Variants in MAGI2 observed in about 807,000 individuals in gnomAD.
MAGI2 encodes the protein membrane associated guanylate kinase, WW and PDZ domain containing 2.
A neutral mutation model predicts 133.3 loss-of-function variants in MAGI2; 35 were observed. The observed-to-expected ratio is 0.26, with a 90% confidence interval of 0.20 to 0.35. The LOEUF (loss-of-function observed/expected upper bound fraction) is 0.35. Ranked by LOEUF, MAGI2 falls within the 10% of genes least tolerant of loss-of-function variation. MAGI2 has a pLI of 1.00. For synonymous variants in MAGI2, 729 were observed against 710.6 expected, an observed-to-expected ratio of 1.03 and a Z score of -0.41; for missense variants, 1,636 against 1,863.4, an observed-to-expected ratio of 0.88 and a Z score of 2.25.
intron 7 of MAGI2, chr7:78,358,504 C>A (rs930425651): frequency 6.4e-6 from 1 of 155,506 alleles, no homozygotes; most frequent in South Asian, 1.8e-4. Flanking sequence ...GCCCACCCGC[C>A]CCGCCATTCC....
At chr7:78,864,236 T>G (rs546187869) in intron 2 of MAGI2, among the ~76,000 whole-genome samples, 1 of 152,252 alleles carries the variant, frequency 6.6e-6, no homozygotes, top group South Asian at 2.1e-4. Flanking sequence ...AACAAAAAAT[T>G]TAAGGTGCCT....
chr7:78,252,170 A>G (rs1304725398), intron 10 of MAGI2: 1 of 150,980 alleles, frequency 6.6e-6, no homozygotes, highest in Admixed American at 6.6e-5. Flanking sequence ...GAACAATGCA[A>G]TCCTAGAATG....
At chr7:78,763,209 A>G (rs573656914) in intron 2 of MAGI2, among the ~76,000 whole-genome samples, 26 of 152,248 alleles carry the variant, frequency 1.7e-4, no homozygotes, top group African/African-American at 6.0e-4. Flanking sequence ...CTTTTCCTAA[A>G]CTCTAATGAA....
chr7:78,943,201 G>A (rs528460437), intron 2 of MAGI2, among the ~76,000 whole-genome samples: 4 of 151,994 alleles, frequency 2.6e-5, no homozygotes, highest in Admixed American at 6.6e-5. Context: ...TTTAAAGAAG[G>A]TAGTATTTGA....
rs557497662 is a variant in MAGI2, at chr7:79,269,310, T to C, written c.301+183710A>G. 2.0e-5 allele frequency among the ~76,000 whole-genome samples: 3 copies of C among 152,200 alleles called. No individual in the cohort carries two copies. The East Asian group carries it at 5.8e-4, about 29-fold the overall frequency. On this transcript the variant is annotated intron_variant, in intron 1 of 21. Coordinates refer to ENST00000354212, the MANE Select transcript of MAGI2 (RefSeq NM_012301.4). The stretch of plus-strand genomic sequence containing the variant: ...TAAAAGAGCAATAAGTAACAGTTAT[T>C]ATGGGTGGATAACAAAATTGGAGTC...
At chr7:78,876,102 C>T (rs1218814659) in intron 2 of MAGI2, among the ~76,000 whole-genome samples, 2 of 151,940 alleles carry the variant, frequency 1.3e-5, no homozygotes, top group Non-Finnish European at 2.9e-5. Flanking sequence ...GCAGGTGGAT[C>T]ACAAGGTCAG....
At chr7:78,191,645 G>A (rs558841091) in intron 12 of MAGI2, among the ~76,000 whole-genome samples, 2 of 152,322 alleles carry the variant, frequency 1.3e-5, no homozygotes, top group Admixed American at 1.3e-4. Flanking sequence ...AATCAGAGGC[G>A]CTGCCAGCCT....
chr7:78,440,767 C>G (rs1787536568), intron 6 of MAGI2, among the ~76,000 whole-genome samples: 1 of 151,042 alleles, frequency 6.6e-6, no homozygotes, highest in African/African-American at 2.4e-5. Flanking sequence ...GCCTGGCCAA[C>G]ATAGTGAAAC....
chr7:78,806,682 A>G (rs1357704717), intron 2 of MAGI2, among the ~76,000 whole-genome samples: 1 of 151,904 alleles, frequency 6.6e-6, no homozygotes, highest in African/African-American at 2.4e-5. Context: ...AGTCTGGGCA[A>G]CAGAAAGATC....
chr7:79,364,764 A>G (rs1354110755), intron 1 of MAGI2, among the ~76,000 whole-genome samples: 1 of 152,094 alleles, frequency 6.6e-6, no homozygotes, highest in Non-Finnish European at 1.5e-5. Flanking sequence ...TACTTTTTAT[A>G]AAAATTAACC....
intron 5 of MAGI2, among the ~76,000 whole-genome samples, chr7:78,496,646 G>A (rs1794110928): frequency 6.6e-6 from 1 of 152,168 alleles, no homozygotes; most frequent in South Asian, 2.1e-4. Flanking sequence ...GAATGACTCT[G>A]TAGAGTGAAA....
chr7:78,587,345 G>A (rs1803535020), intron 3 of MAGI2, among the ~76,000 whole-genome samples: 1 of 152,028 alleles, frequency 6.6e-6, no homozygotes, highest in Non-Finnish European at 1.5e-5. Context: ...TGTCTAATGA[G>A]GAGTGAGGGG....
chr7:78,817,055 T>C (rs1789643078), intron 2 of MAGI2, among the ~76,000 whole-genome samples: 1 of 152,170 alleles, frequency 6.6e-6, no homozygotes, highest in South Asian at 2.1e-4. Context: ...GTGACATTAA[T>C]AGGAATTTGG....
In MAGI2 at chr7:78,167,980, G is replaced by T; in HGVS notation, c.2532C>A (p.Leu844=). ...GCCCATTGCGGGCTGCGTGGTGCAT[G>T]AGGTCGATGACATAGCGGTGGGTTT... ...AGKTHRYVID[L]MHHAARNGQV... The change falls in exon 15 of 22, where the codon CTC becomes CTA. Residue 844 remains leucine, a synonymous_variant. Coordinates refer to ENST00000354212, the MANE Select transcript of MAGI2 (RefSeq NM_012301.4). 1 of 1,614,134 alleles carries T rather than the reference G, an allele frequency of 6.2e-7. No individual in the cohort carries two copies. The highest frequency in any genetic ancestry group is 8.5e-7 in the Non-Finnish European group (1 of 1,180,024).
In MAGI2 at chr7:79,180,305, C is replaced by T. The variant is rs149799347; in HGVS notation, c.302-173099G>A. Among the ~76,000 whole-genome samples the T allele has an allele frequency of 4.9e-4, 74 of 152,098 alleles. 1 individual carries two copies. The highest frequency in any genetic ancestry group is 1.7e-3 in the African/African-American group (70 of 41,448). On this transcript the variant is annotated intron_variant, in intron 1 of 21. Transcript: ENST00000354212. ...GTCTGTTTTCATGCTGCTGTAAAGA[C>T]ATACTCAAGACTAGGCAATTTACAA...
chr7:78,545,110 C>T (rs1191262569), intron 3 of MAGI2, among the ~76,000 whole-genome samples: 4 of 151,344 alleles, frequency 2.6e-5, no homozygotes, highest in African/African-American at 9.7e-5. Flanking sequence ...CTTTTGAGTC[C>T]AATGTAGGTT....
At chr7:79,386,849 AG>A (rs1479004750) in intron 1 of MAGI2, among the ~76,000 whole-genome samples, 1 of 151,976 alleles carries the variant, frequency 6.6e-6, no homozygotes, top group Non-Finnish European at 1.5e-5. Context: ...GAGAGGTTGA[AG>A]GGGGCTGTTT....
At chr7:79,395,027 G>A (rs1844937563) in intron 1 of MAGI2, among the ~76,000 whole-genome samples, 1 of 152,176 alleles carries the variant, frequency 6.6e-6, no homozygotes, top group South Asian at 2.1e-4. Flanking sequence ...AGTCATAGCT[G>A]TAGTACTCTC....
intron 16 of MAGI2, among the ~76,000 whole-genome samples, chr7:78,140,258 G>A (rs989257420): frequency 1.3e-5 from 2 of 152,166 alleles, no homozygotes. Context: ...CCTAAGGGAA[G>A]GGATTATTAG....
Sources: gnomAD v4.1 joint callset for allele counts (sites outside exome capture counted in the v4.1 genomes callset) on GRCh38, gnomAD v4.1.1 for gene constraint, MANE v1.5 for transcripts, NCBI Gene and HGNC (gene_info 2026-07-23, HGNC 2026-07-21) for gene names.